Variants in RANBP2 observed in about 807,000 individuals in gnomAD.
RANBP2 encodes the protein E3 SUMO-protein ligase RanBP2.
A neutral mutation model predicts 303.6 loss-of-function variants in RANBP2; 57 were observed. The observed-to-expected ratio is 0.19, with a 90% CI of 0.15 to 0.23. The LOEUF is 0.23. Among genes scored for constraint, RANBP2 ranks in the 10% least tolerant of loss-of-function variants. The pLI, the probability that RANBP2 is intolerant of heterozygous loss-of-function variation, is 1.00. For missense variants in RANBP2, 3,138 were observed against 3,780.8 expected, an observed-to-expected ratio of 0.83 and a Z score of 4.46; for synonymous variants, 1,167 against 1,301.5, an observed-to-expected ratio of 0.90 and a Z score of 2.23.
the RANBP2 span, among the ~76,000 whole-genome samples, chr2:109,079,707 C>CAG: frequency 6.6e-6 from 1 of 152,184 alleles, no homozygotes; most frequent in African/African-American, 2.4e-5. Context: ...GGAGACAGCA[C>CAG]ACACACACAT....
chr2:109,636,304 C>T, the RANBP2 span, among the ~76,000 whole-genome samples: 2 of 152,008 alleles, frequency 1.3e-5, no homozygotes, highest in Admixed American at 1.3e-4. Context: ...GAAGAGCATA[C>T]CAAGATTTTT....
At chr2:108,969,013 G>A in the RANBP2 span, among the ~76,000 whole-genome samples, 2 of 152,158 alleles carry the variant, frequency 1.3e-5, no homozygotes, top group African/African-American at 2.4e-5. Context: ...AGAAGCTCCC[G>A]GAATCAGCAA....
chr2:109,048,150 T>C, the RANBP2 span, among the ~76,000 whole-genome samples: 2 of 152,350 alleles, frequency 1.3e-5, no homozygotes, highest in East Asian at 3.9e-4. Flanking sequence ...TACTTAGAAA[T>C]TCTGTGTGAT....
intron 7 of RANBP2, among the ~76,000 whole-genome samples, chr2:108,741,536 T>C (rs1245808822): frequency 7.9e-6 from 1 of 127,038 alleles, no homozygotes. Context: ...GATGGAATCT[T>C]GCTCTGTCGC....
the RANBP2 span, among the ~76,000 whole-genome samples, chr2:109,323,918 CT>C: frequency 7.9e-5 from 12 of 152,214 alleles, no homozygotes; most frequent in Non-Finnish European, 1.0e-4. Flanking sequence ...ATTTCAGAAA[CT>C]TTCCATCACT....
At chr2:109,021,921 C>T in the RANBP2 span, among the ~76,000 whole-genome samples, 5 of 152,136 alleles carry the variant, frequency 3.3e-5, no homozygotes, top group Non-Finnish European at 7.3e-5. Flanking sequence ...AAGTGCCCTG[C>T]GGGGTTGAGA....
At chr2:108,912,732 A>G in the RANBP2 span, 1 of 1,601,982 alleles carries the variant, frequency 6.2e-7, no homozygotes, top group Non-Finnish European at 8.5e-7. Flanking sequence ...GTGCCAGGGA[A>G]GTTGGCAGAA....
downstream of RANBP2, chr2:108,786,845 C>T (rs760898702): frequency 2.5e-6 from 4 of 1,592,716 alleles, no homozygotes; most frequent in South Asian, 2.3e-5. Context: ...GTCGTCAAGC[C>T]ACCGGGGCAG....
chr2:109,001,628 T>C, the RANBP2 span, among the ~76,000 whole-genome samples: 2 of 152,232 alleles, frequency 1.3e-5, no homozygotes, highest in Admixed American at 1.3e-4. Context: ...GGCCTCCCTT[T>C]TGGAAAGGAG....
At chr2:109,014,792 A>T in the RANBP2 span, among the ~76,000 whole-genome samples, 2 of 152,124 alleles carry the variant, frequency 1.3e-5, no homozygotes, top group African/African-American at 4.8e-5. Context: ...CAAGTGACTT[A>T]ATGTCTTTCC....
the RANBP2 span, among the ~76,000 whole-genome samples, chr2:109,140,551 T>G: frequency 6.6e-6 from 1 of 151,908 alleles, no homozygotes; most frequent in East Asian, 1.9e-4. Context: ...TGGCTAATTT[T>G]TTTGTATTTT....
chr2:109,189,218 C>T, the RANBP2 span, among the ~76,000 whole-genome samples: 1 of 152,048 alleles, frequency 6.6e-6, no homozygotes, highest in East Asian at 1.9e-4. Context: ...AGAGGAGGCT[C>T]TGGTGTGTTC....
chr2:108,734,410 G>A (rs567303888), intron 4 of RANBP2, among the ~76,000 whole-genome samples: 1 of 152,092 alleles, frequency 6.6e-6, no homozygotes, highest in South Asian at 2.1e-4. Flanking sequence ...CAGTTTGATG[G>A]TTGAGATAAT....
At chr2:109,317,465 G>C in the RANBP2 span, among the ~76,000 whole-genome samples, 2 of 152,092 alleles carry the variant, frequency 1.3e-5, no homozygotes. Flanking sequence ...CCCCCACCCT[G>C]CTCTTCCCCT....
chr2:109,215,088 G>C, the RANBP2 span, among the ~76,000 whole-genome samples: 1 of 152,218 alleles, frequency 6.6e-6, no homozygotes, highest in Non-Finnish European at 1.5e-5. Flanking sequence ...TAAACCTTCA[G>C]TGGGACGACT....
the RANBP2 span, among the ~76,000 whole-genome samples, chr2:109,383,631 C>T: frequency 2.0e-5 from 3 of 152,160 alleles, no homozygotes; most frequent in Admixed American, 2.0e-4. Flanking sequence ...TTTCTGTAAC[C>T]ACCTGAATTC....
At chr2:109,461,446 C>A in the RANBP2 span, among the ~76,000 whole-genome samples, 2 of 131,126 alleles carry the variant, frequency 1.5e-5, no homozygotes, top group African/African-American at 6.1e-5. Context: ...AAGACCTGCG[C>A]GGTGATCCAC....
At chr2:109,096,601 GA>G in the RANBP2 span, among the ~76,000 whole-genome samples, 14 of 151,920 alleles carry the variant, frequency 9.2e-5, no homozygotes, top group African/African-American at 2.7e-4. Context: ...TAGAATAAAG[GA>G]AAAAAACTGT....
the RANBP2 span, chr2:109,616,470 C>A: frequency 6.0e-6 from 1 of 167,970 alleles, no homozygotes; most frequent in Non-Finnish European, 1.4e-5. Context: ...TCAAGAGTAA[C>A]AAAAAAATGC....
Sources: gnomAD v4.1 joint callset for allele counts (sites outside exome capture counted in the v4.1 genomes callset) on GRCh38, gnomAD v4.1.1 for gene constraint, MANE v1.5 for transcripts, NCBI Gene and HGNC (gene_info 2026-07-23, HGNC 2026-07-21) for gene names.